THSD7B: variants seen among roughly 807,000 people sequenced by gnomAD.
THSD7B encodes the protein thrombospondin type-1 domain-containing protein 7B.
THSD7B carries 138 observed loss-of-function variants against 213.6 expected under a neutral mutation model. That is an observed-to-expected ratio of 0.65 (90% confidence interval 0.56 to 0.74). The LOEUF is 0.74. Ranked by LOEUF, THSD7B falls within the 30% of genes least tolerant of loss-of-function variation. The probability of loss-of-function intolerance (pLI) is 0.00; values close to 1 mark genes in which losing one functional copy is unlikely to be tolerated. For missense variants in THSD7B, 1,931 were observed against 1,991.5 expected, an observed-to-expected ratio of 0.97 and a Z score of 0.58; for synonymous variants, 742 against 687.0, an observed-to-expected ratio of 1.08 and a Z score of -1.25.
At chr2:137,114,114 T>A (rs771766806) in intron 4 of THSD7B, among the ~76,000 whole-genome samples, 1 of 152,224 alleles carries the variant, frequency 6.6e-6, no homozygotes, top group East Asian at 1.9e-4. Context: ...TGGTGACATA[T>A]GATTACTTTT....
At chr2:137,390,437 G>A (rs1419234813) in intron 12 of THSD7B, among the ~76,000 whole-genome samples, 1 of 151,992 alleles carries the variant, frequency 6.6e-6, no homozygotes, top group East Asian at 1.9e-4. Flanking sequence ...TTTTTTAAAT[G>A]GAATCTTTAT....
At chr2:137,155,910 T>C (rs2104979615) in intron 5 of THSD7B, 1 of 152,328 alleles carries the variant, frequency 6.6e-6, no homozygotes, top group Middle Eastern at 3.4e-3. Flanking sequence ...CGCTATCTGA[T>C]GTTTTCATTC....
At chr2:137,435,582 T>C (rs1687274537) in intron 14 of THSD7B, among the ~76,000 whole-genome samples, 1 of 152,200 alleles carries the variant, frequency 6.6e-6, no homozygotes, top group African/African-American at 2.4e-5. Flanking sequence ...TTTTCTGTCC[T>C]TATATTTGTA....
At position 136,832,935 on chromosome 2, in the gene THSD7B, A is replaced by C. The variant is rs76211504; in HGVS notation, c.-35-49209A>C. ...CACTCTTACGTTTGCTTTACACCTG[A>C]GAATATTGGTAGCTAGACAACAATT... On this transcript the variant is annotated intron_variant, in intron 1 of 27. Transcript: ENST00000409968. 3.8e-3 allele frequency among the ~76,000 whole-genome samples: 581 copies of C among 152,244 alleles called. 18 individuals carry two copies. In the East Asian group the frequency reaches 0.083, roughly 22 times the overall value.
intron 3 of THSD7B, among the ~76,000 whole-genome samples, chr2:137,074,338 A>G (rs1391927743): frequency 6.6e-6 from 1 of 152,108 alleles, no homozygotes; most frequent in Non-Finnish European, 1.5e-5. Context: ...ACCATTATGT[A>G]ATGGCCTTCT....
At chr2:137,672,583 AATAG>A (rs1197960240) in intron 27 of THSD7B, among the ~76,000 whole-genome samples, 1 of 152,200 alleles carries the variant, frequency 6.6e-6, no homozygotes, top group Non-Finnish European at 1.5e-5. Context: ...AAGAAACCCA[AATAG>A]ATATTTTCAC....
At position 137,360,014 on chromosome 2, in the gene THSD7B, G is replaced by A. The variant is rs1453205956; in HGVS notation, c.2501-45599G>A. On this transcript the variant is annotated intron_variant, in intron 12 of 27. Transcript: ENST00000409968. ...GTCAGCCTAAAACAAATCTAGCAGG[G>A]CCATATTAAATGGGCAACTGCTATT... Among the ~76,000 whole-genome samples the A allele has an allele frequency of 2.6e-5, 4 of 152,144 alleles. No individual in the cohort carries two copies. The South Asian group carries it at 8.3e-4, about 31-fold the overall frequency.
chr2:137,082,850 G>A (rs1038836173), intron 3 of THSD7B, among the ~76,000 whole-genome samples: 1 of 152,016 alleles, frequency 6.6e-6, no homozygotes, highest in African/African-American at 2.4e-5. Flanking sequence ...GTTGAATAAT[G>A]TTTTCCAGTG....
intron 12 of THSD7B, among the ~76,000 whole-genome samples, chr2:137,343,434 G>A (rs1321541916): frequency 2.0e-5 from 3 of 151,656 alleles, no homozygotes; most frequent in African/African-American, 7.3e-5. Flanking sequence ...TATAGTAATT[G>A]CTTATTATCA....
chr2:137,267,386 A>T (rs1411319898), intron 10 of THSD7B, among the ~76,000 whole-genome samples: 1 of 152,156 alleles, frequency 6.6e-6, no homozygotes, highest in African/African-American at 2.4e-5. Flanking sequence ...AAAGCTTACA[A>T]ATATGGCACT....
rs181778352 is a variant in THSD7B, at chr2:137,152,919, C to T, written c.1370-7294C>T. On this transcript the variant is annotated intron_variant, in intron 5 of 27. Transcript: ENST00000409968. ...GACCACTTCCCTATCTCTCACTTGC[C>T]GCCTTTCTCTTCTGTGTCATCAATA... 1.4e-3 allele frequency among the ~76,000 whole-genome samples: 208 copies of T among 152,212 alleles called. 1 individual carries two copies. The highest frequency in any genetic ancestry group is 4.6e-3 in the African/African-American group (191 of 41,548).
Position 137,657,178 on chromosome 2 carries a change from T to G in THSD7B, c.4375+18T>G. ...TGTCACAGGTATTCCTGCCTAAGAC[T>G]CATGTGGGCACTTCACAAACACCCC... On this transcript the variant is annotated intron_variant, in intron 24 of 27. Coordinates refer to ENST00000409968, the MANE Select transcript of THSD7B (RefSeq NM_001316349.2). 1 of 1,611,102 alleles carries G rather than the reference T, an allele frequency of 6.2e-7. No individual in the cohort carries two copies. Among genetic ancestry groups the G allele is most frequent in the African/African-American group, 1.3e-5 (1 of 74,948 alleles).
At chr2:137,009,124 A>T (rs909993929) in intron 2 of THSD7B, among the ~76,000 whole-genome samples, 1 of 152,216 alleles carries the variant, frequency 6.6e-6, no homozygotes, top group South Asian at 2.1e-4. Flanking sequence ...TAAGATTGAT[A>T]CTGAGTGTCA....
At chr2:136,922,060 C>G (rs1165904857) in intron 2 of THSD7B, among the ~76,000 whole-genome samples, 1 of 152,160 alleles carries the variant, frequency 6.6e-6, no homozygotes, top group Non-Finnish European at 1.5e-5. Context: ...GCATTGTTCT[C>G]TTATTTCCCC....
At chr2:136,969,714 C>A (rs1026960289) in intron 2 of THSD7B, among the ~76,000 whole-genome samples, 1 of 152,118 alleles carries the variant, frequency 6.6e-6, no homozygotes, top group African/African-American at 2.4e-5. Context: ...AGAAGATTTT[C>A]TTTATAGAAA....
intron 12 of THSD7B, among the ~76,000 whole-genome samples, chr2:137,389,138 A>G (rs961794459): frequency 6.8e-6 from 1 of 147,394 alleles, no homozygotes; most frequent in African/African-American, 2.5e-5. Context: ...TACCACTAAC[A>G]GTGTATAAGA....
chr2:137,370,947 T>G (rs536117803), intron 12 of THSD7B, among the ~76,000 whole-genome samples: 128 of 152,288 alleles, frequency 8.4e-4, no homozygotes, highest in African/African-American at 2.8e-3. Flanking sequence ...GATAATCTTT[T>G]TTTTTCATGC....
At chr2:137,568,287 A>G (rs944301051) in intron 16 of THSD7B, among the ~76,000 whole-genome samples, 2 of 152,096 alleles carry the variant, frequency 1.3e-5, no homozygotes, top group African/African-American at 4.8e-5. Context: ...TTTGAGTAAA[A>G]GTGAGGTGAT....
intron 2 of THSD7B, among the ~76,000 whole-genome samples, chr2:137,004,175 T>C (rs1469585418): frequency 6.6e-6 from 1 of 152,146 alleles, no homozygotes; most frequent in Non-Finnish European, 1.5e-5. Context: ...TGGCATTATA[T>C]GAGGGCACAA....
Sources: gnomAD v4.1 joint callset for allele counts (sites outside exome capture counted in the v4.1 genomes callset) on GRCh38, gnomAD v4.1.1 for gene constraint, MANE v1.5 for transcripts, NCBI Gene and HGNC (gene_info 2026-07-23, HGNC 2026-07-21) for gene names.